The following CR1L variants were observed in gnomAD, a reference collection of about 807,000 sequenced individuals.
CR1L encodes the protein complement C3b/C4b receptor 1 like, also known as complement component receptor 1-like protein.
In CR1L, 59 loss-of-function variants were observed where a neutral mutation model predicts 62.3. That is an observed-to-expected ratio of 0.95 (90% CI 0.77 to 1.18). CR1L has a LOEUF of 1.18. Ranked by LOEUF, CR1L falls within the 50% of genes most tolerant of loss-of-function variation. The pLI, the probability that CR1L is intolerant of heterozygous loss-of-function variation, is 0.00. For synonymous variants in CR1L, 279 were observed against 248.7 expected (o/e 1.12, Z -1.15); for missense variants, 700 against 702.8 (o/e 1.00, Z 0.04).
chr1:207,709,158 C>G, intron 10 of CR1L: 1 of 195,166 alleles, frequency 5.1e-6, no homozygotes, highest in South Asian at 9.4e-5. Context: ...AATCCCAGCA[C>G]TTTGGGAGTC....
intron 1 of CR1L, chr1:207,657,113 C>T: frequency 7.2e-6 from 5 of 692,606 alleles, no homozygotes; most frequent in Admixed American, 2.3e-5. Context: ...TCTTTTTCTT[C>T]AATTTTAAGA....
At chr1:207,680,771 G>A (rs150618178) in intron 3 of CR1L, among the ~76,000 whole-genome samples, 65 of 152,242 alleles carry the variant, frequency 4.3e-4, no homozygotes, top group African/African-American at 1.5e-3. Flanking sequence ...ACCAAATGGC[G>A]CCAGAGATAA....
In CR1L at chr1:207,645,339, C is replaced by T. The variant is rs1450223184; in HGVS notation, c.97+9C>T. On this transcript the variant is annotated intron_variant, in intron 1 of 11. Coordinates refer to ENST00000508064, the MANE Select transcript of CR1L (RefSeq NM_175710.2). Reference sequence around the variant, plus strand: ...GCTGTCCTCCTTCTCCGGTAGGACCCCGGGGTGGATTCGCGCGTCCGCGGC... The same window carrying T: ...GCTGTCCTCCTTCTCCGGTAGGACCTCGGGGTGGATTCGCGCGTCCGCGGC... The T allele has an allele frequency of 2.5e-6, 4 of 1,613,602 alleles. No homozygotes were observed. Among genetic ancestry groups the T allele is most frequent in the East Asian group, 2.2e-5 (1 of 44,846 alleles).
At chr1:207,705,171 T>A (rs1400863245) in intron 9 of CR1L, among the ~76,000 whole-genome samples, 1 of 152,340 alleles carries the variant, frequency 6.6e-6, no homozygotes, top group East Asian at 1.9e-4. Context: ...TGTTCTCCTC[T>A]CTGTTCATGT....
At chr1:207,709,634 C>G (rs1664321366) in intron 10 of CR1L, among the ~76,000 whole-genome samples, 1 of 151,998 alleles carries the variant, frequency 6.6e-6, no homozygotes. Context: ...GTCAGGAGTT[C>G]AAGACCAGCC....
chr1:207,719,799 TTA>T (rs934776942), intron 11 of CR1L, among the ~76,000 whole-genome samples: 26 of 152,228 alleles, frequency 1.7e-4, no homozygotes, highest in African/African-American at 6.3e-4. Flanking sequence ...GATAGTATTC[TTA>T]TTGTCTCATT....
intron 10 of CR1L, among the ~76,000 whole-genome samples, chr1:207,715,850 C>T (rs1032487253): frequency 4.6e-5 from 7 of 152,044 alleles, no homozygotes; most frequent in Non-Finnish European, 1.0e-4. Flanking sequence ...TGCATGCCAC[C>T]ACACCTGGCT....
At chr1:207,696,394 T>A (rs1190754278) in intron 5 of CR1L, among the ~76,000 whole-genome samples, 2 of 152,230 alleles carry the variant, frequency 1.3e-5, no homozygotes, top group Non-Finnish European at 2.9e-5. Context: ...TGGAAGAACC[T>A]AACCAGAGCC....
rs1663847094 is a variant in CR1L at position 207,683,870 on chromosome 1, A to G, written c.378-2A>G. On this transcript the variant is annotated splice_acceptor_variant, in intron 3 of 11. Coordinates refer to ENST00000508064, the MANE Select transcript of CR1L (RefSeq NM_175710.2). LOFTEE classifies it high-confidence loss of function. ...GTAACATTCCTTATTTTTTGCCTCT[A>G]GATACCGACTCATTGGTTCCTCGTC... is the stretch of plus-strand genomic sequence containing the variant. 5.0e-6 allele frequency: 8 copies of G among 1,612,874 alleles called. No homozygotes were observed. The highest frequency in any genetic ancestry group is 6.8e-6 in the Non-Finnish European group (8 of 1,179,178).
chr1:207,650,041 G>A (rs1313976148), intron 1 of CR1L, among the ~76,000 whole-genome samples: 1 of 152,018 alleles, frequency 6.6e-6, no homozygotes, highest in Non-Finnish European at 1.5e-5. Context: ...TGTGTGTAGA[G>A]TCAAAAGTGG....
intron 11 of CR1L, among the ~76,000 whole-genome samples, chr1:207,720,404 TC>T: frequency 6.6e-6 from 1 of 152,302 alleles, no homozygotes; most frequent in East Asian, 1.9e-4. Context: ...TCCTAGGCCT[TC>T]CTAAAATGGA....
chr1:207,710,060 C>T (rs367591681), intron 10 of CR1L, among the ~76,000 whole-genome samples: 1 of 151,988 alleles, frequency 6.6e-6, no homozygotes, highest in Non-Finnish European at 1.5e-5. Context: ...TTTTAAGAAA[C>T]CATGCCGGGC....
chr1:207,669,602 G>A, intron 1 of CR1L: 2 of 1,265,904 alleles, frequency 1.6e-6, no homozygotes, highest in South Asian at 1.3e-5. Flanking sequence ...CGCCCGGGCT[G>A]ACGAGGCACC....
rs1268704664 is a variant in CR1L at position 207,645,156 on chromosome 1, GA to G, written c.-76del. On this transcript the variant is annotated 5_prime_UTR_variant, in exon 1 of 12. Transcript: ENST00000508064. ...TTGTTGTGTCCACTAACCGGACTCA[GA>G]AGGGACTTCCCTGCTCGGCTGGCTT... 1 of 1,450,538 alleles carries G rather than the reference GA, an allele frequency of 6.9e-7. No homozygotes were observed. The highest frequency in any genetic ancestry group is 9.6e-7 in the Non-Finnish European group (1 of 1,041,662). 89.9% of individuals were successfully genotyped at this position (1,450,538 alleles called of 1,614,324 possible). A position where few individuals can be genotyped will look rare whatever the true frequency, so the allele number is the denominator to read the frequency against.
intron 9 of CR1L, among the ~76,000 whole-genome samples, chr1:207,707,965 A>G (rs1664295034): frequency 6.6e-6 from 1 of 152,244 alleles, no homozygotes; most frequent in Non-Finnish European, 1.5e-5. Context: ...GATATTAAGA[A>G]GTAAAGTGGA....
At chr1:207,685,762 G>T in intron 4 of CR1L, among the ~76,000 whole-genome samples, 1 of 152,052 alleles carries the variant, frequency 6.6e-6, no homozygotes, top group African/African-American at 2.4e-5. Flanking sequence ...CCAGTAAAAG[G>T]TCTGTCTTCT....
In CR1L at chr1:207,663,105, A is replaced by T. The variant is rs146703867; in HGVS notation, c.98-14284A>T. Among the ~76,000 whole-genome samples the T allele has an allele frequency of 7.6e-3, 1,152 of 152,304 alleles. 14 individuals are homozygous for T. Among genetic ancestry groups the T allele is most frequent in the Middle Eastern group, 0.024 (7 of 294 alleles). Reference sequence around the variant, plus strand: ...TATTTGGGGGTCAGGGACCCACTTGAGGAGGTAGTCTGCCCGTTCTCAGAT... The same window carrying T: ...TATTTGGGGGTCAGGGACCCACTTGTGGAGGTAGTCTGCCCGTTCTCAGAT... On this transcript the variant is annotated intron_variant, in intron 1 of 11. Coordinates refer to ENST00000508064, the MANE Select transcript of CR1L (RefSeq NM_175710.2).
intron 10 of CR1L, among the ~76,000 whole-genome samples, chr1:207,709,922 A>G (rs76652470): frequency 0.045 from 6,848 of 152,294 alleles, 506 homozygotes; most frequent in African/African-American, 0.15. Flanking sequence ...ACAACTCACA[A>G]TATTATAAAA....
chr1:207,690,318 T>C (rs1212249743), intron 4 of CR1L, among the ~76,000 whole-genome samples: 3 of 152,288 alleles, frequency 2.0e-5, no homozygotes, highest in African/African-American at 7.2e-5. Flanking sequence ...AATTTACCTT[T>C]TGATGTCTTC....
Sources: allele counts gnomAD v4.1 joint callset (sites outside exome capture counted in the v4.1 genomes callset), GRCh38; gene constraint gnomAD v4.1.1; transcripts MANE v1.5; gene names NCBI Gene and HGNC (gene_info 2026-07-23, HGNC 2026-07-21).